The following GRSF1 variants were observed in gnomAD, a reference collection of about 807,000 sequenced individuals.
GRSF1 encodes G-rich RNA sequence binding factor 1.
GRSF1 carries 50 observed loss-of-function variants against 51.1 expected under a neutral mutation model. That is an observed-to-expected ratio of 0.98 (90% CI 0.78 to 1.24). The LOEUF (loss-of-function observed/expected upper bound fraction) is 1.24. Among genes scored for constraint, GRSF1 ranks in the 50% most tolerant of loss-of-function variants. The pLI is 0.00. For synonymous variants in GRSF1, 293 were observed against 253.3 expected (o/e 1.16, Z -1.49); for missense variants, 700 against 639.7 (o/e 1.09, Z -1.02).
upstream of GRSF1, among the ~76,000 whole-genome samples, chr4:70,841,268 A>G (rs1343708445): frequency 6.6e-6 from 1 of 152,240 alleles, no homozygotes; most frequent in Non-Finnish European, 1.5e-5. Flanking sequence ...TGGGTGACAG[A>G]GTGAAACCCT....
intron 1 of GRSF1, among the ~76,000 whole-genome samples, chr4:70,838,696 C>A (rs900494111): frequency 6.6e-6 from 1 of 152,100 alleles, no homozygotes; most frequent in Non-Finnish European, 1.5e-5. Context: ...AACTACACAC[C>A]GACTTTTCTA....
At position 70,833,316 on chromosome 4, in the gene GRSF1, C is replaced by A. The variant is rs1462928937; in HGVS notation, c.515-43G>T. Reference sequence around the variant, plus strand: ...AAATCAATTGAAAACAGAAATCAAACTTTTAGCTCAATTATGTAAGTCACA... The same window carrying A: ...AAATCAATTGAAAACAGAAATCAAAATTTTAGCTCAATTATGTAAGTCACA... On this transcript the variant is annotated intron_variant, in intron 2 of 9. Transcript: ENST00000254799. 2.6e-6 allele frequency: 4 copies of A among 1,564,186 alleles called. No homozygotes were observed. In the South Asian group the frequency reaches 4.5e-5, roughly 18 times the overall value.
chr4:70,821,462 C>T (rs1302774607), intron 9 of GRSF1, among the ~76,000 whole-genome samples: 2 of 151,634 alleles, frequency 1.3e-5, no homozygotes, highest in Non-Finnish European at 2.9e-5. Flanking sequence ...AAAACTTAGC[C>T]GGGCATGGTG....
upstream of GRSF1, among the ~76,000 whole-genome samples, chr4:70,841,867 T>C (rs1560606836): frequency 6.6e-6 from 1 of 152,342 alleles, no homozygotes; most frequent in East Asian, 1.9e-4. Context: ...AGTATTGTCA[T>C]TTTTATACAA....
rs1734202473 is a variant in GRSF1, at chr4:70,836,213, T to C, written c.459A>G (p.Arg153=). The C allele has an allele frequency of 2.5e-6, 4 of 1,609,730 alleles. No homozygotes were observed. In the East Asian group the frequency reaches 9.0e-5, roughly 36 times the overall value. ...EEEVDDVFLI[R]AQGLPWSCTM... ...TGCATGACCAGGGCAGTCCTTGAGC[T>C]CGAATGAGAAAGACATCATCCACTT... Residue 153 remains arginine, a synonymous_variant, in exon 2 of 10, where the codon CGA becomes CGG. Transcript: ENST00000254799.
intron 9 of GRSF1, 81 bp from the exon 10 acceptor site, chr4:70,820,942 A>G (rs1169293683): frequency 6.6e-6 from 1 of 152,428 alleles, no homozygotes; most frequent in Non-Finnish European, 1.5e-5. Flanking sequence ...TTAAAATTGC[A>G]AATTCAAATT....
chr4:70,831,947 G>A (rs1285128761), intron 4 of GRSF1, among the ~76,000 whole-genome samples: 2 of 148,748 alleles, frequency 1.3e-5, no homozygotes, highest in Non-Finnish European at 1.5e-5. Flanking sequence ...TATATACTAG[G>A]AAACAATAGA....
rs1560605552 is a variant in GRSF1, at chr4:70,839,763, C to T, written c.65G>A (p.Cys22Tyr). The change falls in exon 1 of 10, where the codon TGC becomes TAC. Residue 22 changes from cysteine (C) to tyrosine (Y), a missense_variant. By Grantham distance (194) the Cys-to-Tyr change is radical. Transcript: ENST00000254799. ...LRGCGCNCSS[C>Y]RRTGAACLPF... The stretch of plus-strand genomic sequence containing the variant: ...CAGGCAGGCGGCGCCGGTGCGCCGG[C>T]AGCTGCTGCAGTTACAGCCGCAGCC... The T allele has an allele frequency of 2.0e-6, 3 of 1,503,986 alleles. No individual in the cohort carries two copies. Among genetic ancestry groups the T allele is most frequent in the South Asian group, 2.4e-5 (2 of 81,962 alleles). 93.2% of individuals were successfully genotyped at this position (1,503,986 alleles called of 1,614,324 possible).
chr4:70,839,856 G>A lies in GRSF1; in HGVS notation c.-29C>T, dbSNP rs776735474. On this transcript the variant is annotated 5_prime_UTR_variant, in exon 1 of 10. Coordinates refer to ENST00000254799, the MANE Select transcript of GRSF1 (RefSeq NM_002092.4). ...CTCCGGAGGCGGCGCAGGGCCTGAA[G>A]GCAGCTGCTCCAGCAGCGATGGTGG... 8.3e-5 allele frequency: 122 copies of A among 1,461,272 alleles called. 2 individuals carry two copies. The highest frequency in any genetic ancestry group is 5.3e-4 in the South Asian group (40 of 75,232). The allele number at this position is 1,461,272 out of a possible 1,614,324, so 90.5% of individuals were successfully genotyped here. A position where few individuals can be genotyped will look rare whatever the true frequency, so the allele number is the denominator to read the frequency against.
upstream of GRSF1, chr4:70,840,050 A>C (rs561337833): frequency 2.5e-4 from 115 of 458,890 alleles, 1 homozygote; most frequent in Non-Finnish European, 3.9e-4. Context: ...GGGGCTGCCC[A>C]TGGTTTGGGC....
chr4:70,825,472 T>A (rs758508726), intron 7 of GRSF1, 41 bp from the exon 8 acceptor site: 2 of 1,555,884 alleles, frequency 1.3e-6, no homozygotes, highest in Non-Finnish European at 1.8e-6. Flanking sequence ...ACATGATGGA[T>A]GTAAACCTAC....
intron 8 of GRSF1, among the ~76,000 whole-genome samples, 186 bp downstream of exon 8, chr4:70,825,110 C>T (rs556837054): frequency 1.1e-3 from 160 of 151,988 alleles, no homozygotes; most frequent in African/African-American, 3.7e-3. Flanking sequence ...AAGAGATTTG[C>T]AGGATAATTA....
intron 7 of GRSF1, 79 bp downstream of exon 7, chr4:70,826,045 C>T (rs1733722070): frequency 8.1e-7 from 1 of 1,233,026 alleles, no homozygotes; most frequent in Non-Finnish European, 1.2e-6. Context: ...TTCTTCTCTA[C>T]CTTCCCCAAA....
At chr4:70,821,472 G>A (rs1231129031) in intron 9 of GRSF1, among the ~76,000 whole-genome samples, 2 of 151,826 alleles carry the variant, frequency 1.3e-5, no homozygotes, top group Admixed American at 6.6e-5. Flanking sequence ...CGGGCATGGT[G>A]GCATACGCCT....
At position 70,839,563 on chromosome 4, in the gene GRSF1, CGGCCGCGGCAGAGGT is replaced by C; in HGVS notation, c.250_264del (p.Thr84_Ala88del). 1 of 1,423,430 alleles carries C rather than the reference CGGCCGCGGCAGAGGT, an allele frequency of 7.0e-7. No homozygotes were observed. The highest frequency in any genetic ancestry group is 9.2e-7 in the Non-Finnish European group (1 of 1,091,264). 88.2% of individuals were successfully genotyped at this position (1,423,430 alleles called of 1,614,324 possible). A position where few individuals can be genotyped will look rare whatever the true frequency, so the allele number is the denominator to read the frequency against. On this transcript the variant is annotated inframe_deletion, in exon 1 of 10. Transcript: ENST00000254799. ...AGGGCAGAGTAGGACGCGGCGGCCG[CGGCCGCGGCAGAGGT>C]GGCCACAGCGGGAGGCCCCGCCAGC...
chr4:70,830,476 A>C (rs908482370), intron 5 of GRSF1, among the ~76,000 whole-genome samples: 4 of 150,968 alleles, frequency 2.6e-5, no homozygotes, highest in African/African-American at 9.7e-5. Context: ...ACACACACAC[A>C]GAGAATTATG....
chr4:70,822,093 G>A (rs1733538508), intron 9 of GRSF1, among the ~76,000 whole-genome samples: 2 of 151,414 alleles, frequency 1.3e-5, no homozygotes, highest in South Asian at 4.2e-4. Flanking sequence ...AAAAAAAAAA[G>A]ACACCATATA....
At chr4:70,832,186 C>A in intron 4 of GRSF1, 121 bp downstream of exon 4, 1 of 617,950 alleles carries the variant, frequency 1.6e-6, no homozygotes, top group Non-Finnish European at 2.6e-6. Flanking sequence ...GAAGAGCTCT[C>A]CCCTAAAGAA....
chr4:70,823,082 G>A (rs1374356048), intron 9 of GRSF1, among the ~76,000 whole-genome samples: 1 of 151,370 alleles, frequency 6.6e-6, no homozygotes, highest in African/African-American at 2.4e-5. Context: ...GCTCAACAAA[G>A]CAAGACTCTG....
Sources: allele counts gnomAD v4.1 joint callset (sites outside exome capture counted in the v4.1 genomes callset), GRCh38; gene constraint gnomAD v4.1.1; transcripts MANE v1.5; gene names NCBI Gene and HGNC (gene_info 2026-07-23, HGNC 2026-07-21).